The following RMND5A variants were observed in gnomAD, a reference collection of about 807,000 sequenced individuals.
RMND5A encodes the protein E3 ubiquitin-protein transferase RMND5A.
In RMND5A, 17 loss-of-function variants were observed where a neutral mutation model predicts 49.7. The observed-to-expected ratio is 0.34, with a 90% CI of 0.23 to 0.51. RMND5A has a LOEUF of 0.51. Ranked by LOEUF, RMND5A falls within the 20% of genes least tolerant of loss-of-function variation. RMND5A has a pLI of 0.96. For missense variants in RMND5A, 255 were observed against 471.3 expected (o/e 0.54, Z 4.25); for synonymous variants, 156 against 167.7 (o/e 0.93, Z 0.54).
At position 86,752,043 on chromosome 2, in the gene RMND5A, C is replaced by T. The variant is rs978221144; in HGVS notation, c.420+13C>T. Reference sequence around the variant, plus strand: ...GGAGCTCTGTCAGGTAACAGTGTGCCAACTGGGAGGATATGAAAAAGAAAC... The same window carrying T: ...GGAGCTCTGTCAGGTAACAGTGTGCTAACTGGGAGGATATGAAAAAGAAAC... On this transcript the variant is annotated intron_variant, in intron 3 of 8. Coordinates refer to ENST00000283632, the MANE Select transcript of RMND5A (RefSeq NM_022780.4). The T allele has an allele frequency of 2.8e-5, 45 of 1,611,868 alleles. No homozygotes were observed. The highest frequency in any genetic ancestry group is 3.8e-5 in the Non-Finnish European group (45 of 1,178,992).
In RMND5A at chr2:86,770,006, C is replaced by T. The variant is rs762381195; in HGVS notation, c.855-17C>T. 1.4e-5 allele frequency: 23 copies of T among 1,605,470 alleles called. No homozygotes were observed. In the South Asian group the frequency reaches 1.9e-4, roughly 13 times the overall value. ...ACCCCTGGCCTGGCACTGACGTTTCCTCTTCTGCTCTCCCAGTTTCTCAGC... is the reference window on the plus strand; with the variant it reads ...ACCCCTGGCCTGGCACTGACGTTTCTTCTTCTGCTCTCCCAGTTTCTCAGC... On this transcript the variant is annotated splice_polypyrimidine_tract_variant and intron_variant, in intron 6 of 8. Transcript: ENST00000283632.
In RMND5A at chr2:86,776,388, T is replaced by C. The variant is rs560185639; in HGVS notation, c.*2977T>C. 60 of 152,350 alleles carry C rather than the reference T, an allele frequency of 3.9e-4. 1 individual carries two copies. The highest frequency in any genetic ancestry group is 1.4e-3 in the African/African-American group (57 of 41,588). The allele number at this position is 152,350 out of a possible 1,614,324, so 9.4% of individuals were successfully genotyped here. A position where few individuals can be genotyped will look rare whatever the true frequency, so the allele number is the denominator to read the frequency against. On this transcript the variant is annotated 3_prime_UTR_variant, in exon 9 of 9. Coordinates refer to ENST00000283632, the MANE Select transcript of RMND5A (RefSeq NM_022780.4). ...GTATTTTTTGAGTGTGAGCATTTAA[T>C]TGAAAATAAGAAAGCTATGAAGTAA...
chr2:86,744,727 G>T (rs1010688548), intron 2 of RMND5A, among the ~76,000 whole-genome samples: 4 of 82,966 alleles, frequency 4.8e-5, no homozygotes, highest in Non-Finnish European at 1.0e-4. Context: ...TGTTGCCTAG[G>T]CTGGAGTGCA....
At chr2:86,753,607 A>G (rs1244986063) in intron 4 of RMND5A, 49 bp downstream of exon 4, 1 of 932,976 alleles carries the variant, frequency 1.1e-6, no homozygotes, top group African/African-American at 1.7e-5. Context: ...ACTCTCTGTA[A>G]GAAAACTCAA....
Position 86,771,644 on chromosome 2 carries a change from A to G in RMND5A, c.1044A>G (p.Pro348=). ...ILRQQTTDNN[P]PMKLVCGHII... Reference sequence around the variant, plus strand: ...GTCAGCAAACAACAGATAACAATCCACCCATGAAATTGGTCTGTGGTCATA... The same window carrying G: ...GTCAGCAAACAACAGATAACAATCCGCCCATGAAATTGGTCTGTGGTCATA... The change falls in exon 8 of 9, where the codon CCA becomes CCG. Residue 348 remains proline, a synonymous_variant. Transcript: ENST00000283632. 1 of 1,613,682 alleles carries G rather than the reference A, an allele frequency of 6.2e-7. No homozygotes were observed. Among genetic ancestry groups the G allele is most frequent in the Non-Finnish European group, 8.5e-7 (1 of 1,179,788 alleles).
In RMND5A at chr2:86,744,412, C is replaced by T. The variant is rs1219389152; in HGVS notation, c.285+3343C>T. Among the ~76,000 whole-genome samples, 3 of 152,258 alleles carry T rather than the reference C, an allele frequency of 2.0e-5. No individual in the cohort carries two copies. In the East Asian group the frequency reaches 5.8e-4, roughly 29 times the overall value. ...TAAGGCTTTTAAGAACCATGCCAAA[C>T]AGACCTGAGTAATAAACTGGAATGT... is the stretch of plus-strand genomic sequence containing the variant. On this transcript the variant is annotated intron_variant, in intron 2 of 8. Coordinates refer to ENST00000283632, the MANE Select transcript of RMND5A (RefSeq NM_022780.4).
intron 2 of RMND5A, among the ~76,000 whole-genome samples, chr2:86,745,130 G>T (rs1363490397): frequency 1.3e-5 from 2 of 151,364 alleles, no homozygotes; most frequent in Non-Finnish European, 2.9e-5. Context: ...TTAGTCAATT[G>T]ACTTTTAAAG....
At chr2:86,729,740 A>G (rs1681332196) in intron 1 of RMND5A, among the ~76,000 whole-genome samples, 1 of 85,902 alleles carries the variant, frequency 1.2e-5, no homozygotes, top group African/African-American at 3.5e-5. Context: ...ACCAGATTGC[A>G]GGGGAAAGGC....
intron 4 of RMND5A, among the ~76,000 whole-genome samples, chr2:86,757,784 A>G (rs1295727090): frequency 2.0e-5 from 3 of 152,034 alleles, no homozygotes; most frequent in African/African-American, 4.8e-5. Context: ...TGGTGTCCTT[A>G]TTTTGTTTTG....
intron 4 of RMND5A, among the ~76,000 whole-genome samples, chr2:86,759,924 C>CAGGGT (rs1225968935): frequency 5.9e-5 from 9 of 152,334 alleles, no homozygotes; most frequent in African/African-American, 2.2e-4. Context: ...GGGCCACAGA[C>CAGGGT]ACCCTGACTT....
At chr2:86,766,798 G>A (rs1024007634) in intron 6 of RMND5A, among the ~76,000 whole-genome samples, 1 of 151,952 alleles carries the variant, frequency 6.6e-6, no homozygotes, top group Non-Finnish European at 1.5e-5. Context: ...AGACCCACCC[G>A]GGTAACACAG....
At chr2:86,743,852 C>T (rs914785173) in intron 2 of RMND5A, among the ~76,000 whole-genome samples, 2 of 151,800 alleles carry the variant, frequency 1.3e-5, no homozygotes, top group African/African-American at 4.8e-5. Context: ...TAGGCACATT[C>T]CTCTAATCCC....
At chr2:86,766,481 T>C (rs1009131801) in intron 6 of RMND5A, among the ~76,000 whole-genome samples, 2 of 151,690 alleles carry the variant, frequency 1.3e-5, no homozygotes, top group Non-Finnish European at 2.9e-5. Context: ...CTGGCCAACA[T>C]AGTGAAACCC....
rs757135771 is a variant in RMND5A at position 86,765,899 on chromosome 2, A to G, written c.729A>G (p.Gln243=). The change falls in exon 6 of 9, where the codon CAA becomes CAG. Residue 243 remains glutamine (Q), a synonymous_variant. Transcript: ENST00000283632. ...VLMGSLVYLR[Q]GIENSPYVHL... ...TGGGAAGCCTTGTGTACCTGAGACAAGGGATTGAGAACTCACCATATGTTC... is the reference window on the plus strand; with the variant it reads ...TGGGAAGCCTTGTGTACCTGAGACAGGGGATTGAGAACTCACCATATGTTC... The G allele has an allele frequency of 1.4e-5, 23 of 1,614,004 alleles. No individual in the cohort carries two copies. The East Asian group carries it at 2.9e-4, about 20-fold the overall frequency.
At chr2:86,754,484 A>C (rs1181297126) in intron 4 of RMND5A, among the ~76,000 whole-genome samples, 1 of 152,236 alleles carries the variant, frequency 6.6e-6, no homozygotes, top group East Asian at 1.9e-4. Context: ...TGACTTTTAT[A>C]AAATGTACAC....
rs1401896912 is a variant in RMND5A, at chr2:86,765,056, T to C, written c.551T>C (p.Ile184Thr). Residue 184 changes from isoleucine (I) to threonine (T), a missense_variant, in exon 5 of 9, where the codon ATA becomes ACA. Around this residue, in one of 3 missense-constraint regions of RMND5A, gnomAD observed 208 missense variants for 339.8 expected, o/e 0.61. Coordinates refer to ENST00000283632, the MANE Select transcript of RMND5A (RefSeq NM_022780.4). ...EWAVSNREML[I>T]AQNSSLEFKL... is the part of the protein sequence containing the mutation. ...GCAGTGTCAAACCGGGAAATGCTTA[T>C]AGCTCAAAACAGCTCCTTGGAATTT... 1.2e-6 allele frequency: 2 copies of C among 1,610,836 alleles called. No individual in the cohort carries two copies. The highest frequency in any genetic ancestry group is 1.7e-5 in the Admixed American group (1 of 59,242).
chr2:86,775,184 A>G lies in RMND5A; in HGVS notation c.*1773A>G, dbSNP rs1461655869. 1 of 152,262 alleles carries G rather than the reference A, an allele frequency of 6.6e-6. No homozygotes were observed. The highest frequency in any genetic ancestry group is 2.4e-5 in the African/African-American group (1 of 41,462). The allele number at this position is 152,262 out of a possible 1,614,324, so 9.4% of individuals were successfully genotyped here. ...CCTCTCTTTGCTAAAGCAGTGAAGG[A>G]AGAGAACAGAGACAAACTCTTTGGA... is the stretch of plus-strand genomic sequence containing the variant. On this transcript the variant is annotated 3_prime_UTR_variant, in exon 9 of 9. Coordinates refer to ENST00000283632, the MANE Select transcript of RMND5A (RefSeq NM_022780.4).
intron 4 of RMND5A, among the ~76,000 whole-genome samples, chr2:86,758,034 C>T (rs1043580512): frequency 2.6e-5 from 4 of 152,184 alleles, no homozygotes; most frequent in East Asian, 1.9e-4. Flanking sequence ...GTTGCAGAGC[C>T]GTTGGGCAGT....
intron 4 of RMND5A, among the ~76,000 whole-genome samples, chr2:86,755,223 ATCC>A (rs1427562383): frequency 6.6e-6 from 1 of 151,902 alleles, no homozygotes; most frequent in Non-Finnish European, 1.5e-5. Flanking sequence ...GGCTTAAGTA[ATCC>A]TCCTGCCCCG....
Sources: gnomAD v4.1 joint callset for allele counts (sites outside exome capture counted in the v4.1 genomes callset) on GRCh38, gnomAD v4.1.1 for gene constraint, gnomAD v4.1.1 regional missense constraint, MANE v1.5 for transcripts, NCBI Gene and HGNC (gene_info 2026-07-23, HGNC 2026-07-21) for gene names.